Variants in EPHA6 observed in about 807,000 individuals in gnomAD.
EPHA6 encodes EPH receptor A6, also known as ephrin type-A receptor 6.
Under a neutral mutation model 112.0 loss-of-function variants are expected in EPHA6, and 50 were observed. That is an observed-to-expected ratio of 0.45 (90% CI 0.36 to 0.56). The LOEUF (loss-of-function observed/expected upper bound fraction) is 0.56. EPHA6 is among the 20% of genes least tolerant of loss of function. The pLI is 0.00. For synonymous variants in EPHA6, 529 were observed against 490.7 expected, an observed-to-expected ratio of 1.08 and a Z score of -1.03; for missense variants, 1,280 against 1,417.4, an observed-to-expected ratio of 0.90 and a Z score of 1.56.
chr3:97,701,618 G>GTATA (rs10576183), intron 14 of EPHA6, among the ~76,000 whole-genome samples: 4 of 148,086 alleles, frequency 2.7e-5, no homozygotes, highest in African/African-American at 4.9e-5. Context: ...TCATATATAT[G>GTATA]TATATATATA....
intron 11 of EPHA6, among the ~76,000 whole-genome samples, chr3:97,535,870 A>T (rs1449254702): frequency 3.3e-5 from 5 of 152,140 alleles, no homozygotes; most frequent in African/African-American, 1.2e-4. Flanking sequence ...TATAGGATTT[A>T]TCTCTGAAAG....
intron 3 of EPHA6, among the ~76,000 whole-genome samples, chr3:97,104,767 G>A (rs929819745): frequency 1.3e-5 from 2 of 152,042 alleles, no homozygotes; most frequent in Non-Finnish European, 2.9e-5. Context: ...GAATCTGTTT[G>A]GTCTTGGGCT....
chr3:97,367,129 T>G (rs1391839735), intron 5 of EPHA6, among the ~76,000 whole-genome samples: 1 of 152,220 alleles, frequency 6.6e-6, no homozygotes, highest in African/African-American at 2.4e-5. Context: ...GTTCTTAAGC[T>G]GTCAGCGATT....
intron 7 of EPHA6, among the ~76,000 whole-genome samples, chr3:97,470,957 G>A (rs1219075938): frequency 6.6e-6 from 1 of 151,594 alleles, no homozygotes; most frequent in Non-Finnish European, 1.5e-5. Context: ...GGACAAGTTT[G>A]CTTTCAACAG....
At chr3:97,664,724 G>T (rs1220296036) in intron 14 of EPHA6, among the ~76,000 whole-genome samples, 3 of 152,100 alleles carry the variant, frequency 2.0e-5, no homozygotes, top group Non-Finnish European at 4.4e-5. Flanking sequence ...ATTCACAATT[G>T]CTTCAAAGAG....
intron 11 of EPHA6, among the ~76,000 whole-genome samples, chr3:97,558,848 T>G (rs975710988): frequency 1.3e-5 from 2 of 151,998 alleles, no homozygotes; most frequent in Non-Finnish European, 2.9e-5. Flanking sequence ...CTTTGTTATA[T>G]TGAACATTTC....
intron 5 of EPHA6, among the ~76,000 whole-genome samples, chr3:97,277,181 A>T (rs568403771): frequency 3.9e-5 from 6 of 152,304 alleles, no homozygotes; most frequent in Admixed American, 2.0e-4. Context: ...GTGAGCAACA[A>T]GGCTATTTAT....
At chr3:97,655,703 A>G (rs2094133927) in intron 14 of EPHA6, among the ~76,000 whole-genome samples, 1 of 143,276 alleles carries the variant, frequency 7.0e-6, no homozygotes, top group Non-Finnish European at 1.5e-5. Flanking sequence ...AAATTGAACA[A>G]TGAGAACACA....
intron 14 of EPHA6, among the ~76,000 whole-genome samples, chr3:97,669,937 C>A (rs1321383945): frequency 6.6e-6 from 1 of 152,124 alleles, no homozygotes; most frequent in Non-Finnish European, 1.5e-5. Flanking sequence ...AATGCATTTG[C>A]CTATTTCTCT....
At chr3:97,004,180 A>T (rs2043788265) in intron 3 of EPHA6, among the ~76,000 whole-genome samples, 1 of 152,188 alleles carries the variant, frequency 6.6e-6, no homozygotes, top group African/African-American at 2.4e-5. Context: ...TTACTGAGTC[A>T]AATGGTATTT....
intron 15 of EPHA6, among the ~76,000 whole-genome samples, chr3:97,722,499 G>C (rs1410086248): frequency 6.6e-6 from 1 of 152,046 alleles, no homozygotes; most frequent in African/African-American, 2.4e-5. Flanking sequence ...TCTAGACTAG[G>C]TCATGGGCAA....
intron 3 of EPHA6, among the ~76,000 whole-genome samples, chr3:97,163,099 C>T (rs766712213): frequency 6.6e-6 from 1 of 152,044 alleles, no homozygotes; most frequent in Non-Finnish European, 1.5e-5. Context: ...AATCACTCCC[C>T]TCACATATTT....
chr3:96,905,706 A>AG, intron 2 of EPHA6, among the ~76,000 whole-genome samples: 1 of 151,286 alleles, frequency 6.6e-6, no homozygotes, highest in Non-Finnish European at 1.5e-5. Context: ...TATTCTCATT[A>AG]GGTTTTTTTT....
At chr3:96,928,881 T>C (rs1327123538) in intron 2 of EPHA6, among the ~76,000 whole-genome samples, 2 of 152,232 alleles carry the variant, frequency 1.3e-5, no homozygotes, top group Non-Finnish European at 2.9e-5. Context: ...AATACCCTTC[T>C]TTGTCTTTTT....
At chr3:97,651,841 A>AT (rs1223268379) in intron 14 of EPHA6, among the ~76,000 whole-genome samples, 2 of 151,686 alleles carry the variant, frequency 1.3e-5, no homozygotes, top group Admixed American at 6.6e-5. Context: ...TGCTGACTTT[A>AT]TTTTTTTTGT....
chr3:97,281,201 A>ATG (rs10547257), intron 5 of EPHA6, among the ~76,000 whole-genome samples: 4,795 of 140,514 alleles, frequency 0.034, 228 homozygotes, highest in African/African-American at 0.13. Context: ...CAAAGAGTCT[A>ATG]TGTGTGTGTG....
intron 4 of EPHA6, among the ~76,000 whole-genome samples, chr3:97,242,481 T>G (rs913712727): frequency 6.6e-6 from 1 of 151,944 alleles, no homozygotes; most frequent in South Asian, 2.1e-4. Flanking sequence ...AGCACCTGTC[T>G]TTCTAATTTT....
At chr3:97,239,530 A>C (rs1263848049) in intron 4 of EPHA6, among the ~76,000 whole-genome samples, 1 of 151,932 alleles carries the variant, frequency 6.6e-6, no homozygotes, top group Non-Finnish European at 1.5e-5. Flanking sequence ...CATATTATTT[A>C]TTATATTATT....
chr3:97,290,721 G>A (rs1224574025), intron 5 of EPHA6, among the ~76,000 whole-genome samples: 1 of 151,812 alleles, frequency 6.6e-6, no homozygotes, highest in East Asian at 1.9e-4. Flanking sequence ...GGTCTCAGTT[G>A]TTATGACTCC....
Sources: allele counts gnomAD v4.1 joint callset (sites outside exome capture counted in the v4.1 genomes callset), GRCh38; gene constraint gnomAD v4.1.1; transcripts MANE v1.5; gene names NCBI Gene and HGNC (gene_info 2026-07-23, HGNC 2026-07-21).